Variants in PHF14 observed in about 807,000 individuals in gnomAD.
The protein encoded by PHF14 is PHD finger protein 14.
In PHF14, 55 loss-of-function variants were observed where a neutral mutation model predicts 117.9. That is an observed-to-expected ratio of 0.47 (90% CI 0.38 to 0.58). The LOEUF is 0.58. PHF14 is among the 20% of genes least tolerant of loss of function. The pLI is 0.00. For missense variants in PHF14, 978 were observed against 1,122.2 expected (o/e 0.87, Z 1.84); for synonymous variants, 409 against 368.6 (o/e 1.11, Z -1.26).
intron 17 of PHF14, among the ~76,000 whole-genome samples, chr7:11,114,151 G>A (rs182828402): frequency 2.7e-3 from 415 of 152,082 alleles, no homozygotes; most frequent in African/African-American, 9.7e-3. Flanking sequence ...CTTTCTCTGC[G>A]GTAGTCATGT....
intron 14 of PHF14, among the ~76,000 whole-genome samples, chr7:11,053,888 C>A (rs1784928978): frequency 6.6e-6 from 1 of 151,532 alleles, no homozygotes; most frequent in Middle Eastern, 3.2e-3. Context: ...CTCTAGTTTT[C>A]TTGTTTAAAA....
chr7:11,096,076 A>G (rs766000421), intron 16 of PHF14, among the ~76,000 whole-genome samples: 2 of 152,082 alleles, frequency 1.3e-5, no homozygotes, highest in Non-Finnish European at 2.9e-5. Flanking sequence ...GTTTATTTTA[A>G]ATAAGGAATA....
At chr7:11,038,656 C>CA (rs371973677) in intron 10 of PHF14, 104 bp from the exon 11 acceptor site, 13,473 of 209,958 alleles carry the variant, frequency 0.064, 3 homozygotes, top group Middle Eastern at 0.11. Flanking sequence ...GACTCTGTCT[C>CA]AAAAAAAAAA....
At chr7:11,159,548 T>G (rs1436476133) in intron 17 of PHF14, among the ~76,000 whole-genome samples, 1 of 152,054 alleles carries the variant, frequency 6.6e-6, no homozygotes. Flanking sequence ...TTCAAGCCAA[T>G]CATAGTAAAG....
At chr7:11,053,690 T>C (rs1784921466) in intron 14 of PHF14, among the ~76,000 whole-genome samples, 1 of 152,082 alleles carries the variant, frequency 6.6e-6, no homozygotes, top group African/African-American at 2.4e-5. Flanking sequence ...AGAGGGAAAT[T>C]ATGTATATTA....
intron 17 of PHF14, among the ~76,000 whole-genome samples, chr7:11,155,097 G>C (rs1267871117): frequency 6.6e-6 from 1 of 152,128 alleles, no homozygotes. Context: ...GGAAAGAATA[G>C]ACTTGATTGT....
intron 7 of PHF14, among the ~76,000 whole-genome samples, chr7:11,031,444 C>T (rs144620700): frequency 7.0e-4 from 106 of 152,146 alleles, no homozygotes; most frequent in Middle Eastern, 3.4e-3. Flanking sequence ...TATGACACAA[C>T]ATCTTATTTT....
chr7:11,020,278 C>T (rs889330055), intron 5 of PHF14, among the ~76,000 whole-genome samples: 31 of 152,074 alleles, frequency 2.0e-4, no homozygotes, highest in Admixed American at 7.2e-4. Flanking sequence ...TCTGTAGAGA[C>T]GAGGTTTCAA....
chr7:11,141,743 T>A (rs1470777184), intron 17 of PHF14, among the ~76,000 whole-genome samples: 1 of 151,982 alleles, frequency 6.6e-6, no homozygotes, highest in Non-Finnish European at 1.5e-5. Flanking sequence ...ATTATTGGTA[T>A]TTTTGGGTTT....
At chr7:11,106,297 C>G in intron 16 of PHF14, 2 of 973,764 alleles carry the variant, frequency 2.1e-6, no homozygotes, top group South Asian at 9.5e-5. Context: ...TTTTGTCTTT[C>G]TTACTACCCA....
intron 16 of PHF14, among the ~76,000 whole-genome samples, chr7:11,098,932 C>G (rs2128340706): frequency 6.6e-6 from 1 of 152,132 alleles, no homozygotes; most frequent in Admixed American, 6.5e-5. Flanking sequence ...CATTGTATGT[C>G]ACGAAGAGAT....
intron 16 of PHF14, chr7:11,110,663 G>C (rs973366239): frequency 1.0e-5 from 2 of 191,384 alleles, no homozygotes; most frequent in African/African-American, 1.2e-4. Flanking sequence ...TCTGAAGAAA[G>C]TGACAGGTAA....
chr7:10,980,985 A>G (rs1782027997), intron 2 of PHF14, among the ~76,000 whole-genome samples: 2 of 152,190 alleles, frequency 1.3e-5, no homozygotes, highest in South Asian at 4.1e-4. Context: ...GGATACCTAC[A>G]TGACAGTTGT....
At chr7:11,093,198 G>A (rs973227968) in intron 16 of PHF14, among the ~76,000 whole-genome samples, 1 of 152,154 alleles carries the variant, frequency 6.6e-6, no homozygotes, top group Non-Finnish European at 1.5e-5. Context: ...TGGTTTAATT[G>A]CATCTTTAAT....
intron 4 of PHF14, 74 bp from the exon 5 acceptor site, chr7:11,013,670 ATTC>A (rs779216749): frequency 1.4e-6 from 1 of 728,432 alleles, no homozygotes; most frequent in Non-Finnish European, 2.2e-6. Context: ...TCTCTTTGCT[ATTC>A]TTTTTCTTTT....
intron 17 of PHF14, among the ~76,000 whole-genome samples, chr7:11,144,901 TCATA>T (rs1420256875): frequency 6.6e-6 from 1 of 151,728 alleles, no homozygotes; most frequent in African/African-American, 2.4e-5. Context: ...TAGTAAAAAA[TCATA>T]GAGACAGGGA....
chr7:10,999,033 G>C lies in PHF14; in HGVS notation c.1045+8186G>C, dbSNP rs148782654. ...CAAGCTTCTTTTGCAAAGTTCTGGC[G>C]GCACTAGGGTTTTTTGCTGTTGTTG... On this transcript the variant is annotated intron_variant, in intron 4 of 17. Transcript: ENST00000634607. 2.8e-3 allele frequency among the ~76,000 whole-genome samples: 419 copies of C among 152,270 alleles called. 3 individuals are homozygous for C. Among genetic ancestry groups the C allele is most frequent in the African/African-American group, 9.8e-3 (407 of 41,558 alleles).
At chr7:11,127,266 C>G (rs1044009254) in intron 17 of PHF14, among the ~76,000 whole-genome samples, 1 of 134,792 alleles carries the variant, frequency 7.4e-6, no homozygotes, top group African/African-American at 2.9e-5. Flanking sequence ...TGACTCATTG[C>G]TAGAGCTTTT....
chr7:11,147,433 C>G (rs1008056561), intron 17 of PHF14, among the ~76,000 whole-genome samples: 5 of 152,092 alleles, frequency 3.3e-5, no homozygotes, highest in Admixed American at 6.5e-5. Flanking sequence ...AATAGCATCT[C>G]TCAGTCCCTC....
Sources: allele counts gnomAD v4.1 joint callset (sites outside exome capture counted in the v4.1 genomes callset), GRCh38; gene constraint gnomAD v4.1.1; transcripts MANE v1.5; gene names NCBI Gene and HGNC (gene_info 2026-07-23, HGNC 2026-07-21).